Variants in PKP1 observed in about 807,000 individuals in gnomAD.
The protein encoded by PKP1 is plakophilin-1.
PKP1 carries 27 observed loss-of-function variants against 76.4 expected under a neutral mutation model. The ratio of observed to expected loss-of-function variants is 0.35; its 90% confidence interval spans 0.26 to 0.49. The LOEUF is 0.49. Among genes scored for constraint, PKP1 ranks in the 20% least tolerant of loss-of-function variants. The pLI, the probability that PKP1 is intolerant of heterozygous loss-of-function variation, is 0.99. For missense variants in PKP1, 964 were observed against 955.2 expected, an observed-to-expected ratio of 1.01 and a Z score of -0.12; for synonymous variants, 404 against 384.2, an observed-to-expected ratio of 1.05 and a Z score of -0.60.
chr1:201,318,924 A>G (rs763210), intron 6 of PKP1, 129 bp downstream of exon 6: 9 of 816,238 alleles, frequency 1.1e-5, no homozygotes, highest in East Asian at 2.7e-5. Context: ...TCTTATGGGC[A>G]GGCTCCAAGA....
At chr1:201,290,648 G>A (rs927153407) in intron 1 of PKP1, among the ~76,000 whole-genome samples, 5 of 152,170 alleles carry the variant, frequency 3.3e-5, no homozygotes, top group African/African-American at 9.7e-5. Flanking sequence ...AGGCATCAGA[G>A]CACGTTCACC....
rs760037448 is a variant in PKP1 at position 201,313,572 on chromosome 1, T to A, written c.701+12T>A. ...AGGGCCAGCTCCAAGTGAGTGCTGC[T>A]GGGCTGGGTTGGGGAGCCAGGAGGG... On this transcript the variant is annotated intron_variant, in intron 3 of 13. Coordinates refer to ENST00000367324, the MANE Select transcript of PKP1 (RefSeq NM_001005337.3). 2.5e-6 allele frequency: 4 copies of A among 1,607,634 alleles called. No individual in the cohort carries two copies. The South Asian group carries it at 4.4e-5, about 18-fold the overall frequency.
intron 2 of PKP1, among the ~76,000 whole-genome samples, chr1:201,306,759 C>G (rs1656378670): frequency 6.6e-6 from 1 of 152,134 alleles, no homozygotes; most frequent in South Asian, 2.1e-4. Context: ...ACTGCAAGCT[C>G]CACCTTCTGG....
rs1656524501 is a variant in PKP1 at position 201,310,740 on chromosome 1, G to A, written c.307-2426G>A. Reference sequence around the variant, plus strand: ...AGGCAGCACAGCCCACCAGCACCATGACACTAGGAGCTGGGGTGGGGTTCC... The same window carrying A: ...AGGCAGCACAGCCCACCAGCACCATAACACTAGGAGCTGGGGTGGGGTTCC... On this transcript the variant is annotated intron_variant, in intron 2 of 13. Coordinates refer to ENST00000367324, the MANE Select transcript of PKP1 (RefSeq NM_001005337.3). Among the ~76,000 whole-genome samples, 4 of 152,344 alleles carry A rather than the reference G, an allele frequency of 2.6e-5. No homozygotes were observed. In the South Asian group the frequency reaches 6.2e-4, roughly 24 times the overall value.
intron 2 of PKP1, among the ~76,000 whole-genome samples, chr1:201,295,614 A>G (rs1308382446): frequency 6.6e-6 from 1 of 152,230 alleles, no homozygotes; most frequent in Admixed American, 6.5e-5. Context: ...ACGTGTCTTT[A>G]CTTAAATGAC....
intron 10 of PKP1, 39 bp downstream of exon 10, chr1:201,324,620 T>C (rs1657053560): frequency 1.9e-6 from 3 of 1,609,642 alleles, no homozygotes; most frequent in Admixed American, 1.7e-5. Flanking sequence ...AGCTAAGACA[T>C]GGCAGGCTCC....
At chr1:201,329,192 G>T (rs1322761678) in intron 13 of PKP1, among the ~76,000 whole-genome samples, 1 of 152,170 alleles carries the variant, frequency 6.6e-6, no homozygotes, top group Non-Finnish European at 1.5e-5. Flanking sequence ...CTACAATATG[G>T]ATAACTGGAG....
At chr1:201,322,849 G>A (rs376569632) in intron 8 of PKP1, among the ~76,000 whole-genome samples, 164 bp from the exon 9 acceptor site, 1 of 152,162 alleles carries the variant, frequency 6.6e-6, no homozygotes, top group South Asian at 2.1e-4. Flanking sequence ...AGAGGAAAGG[G>A]GTGCAGCGGG....
At chr1:201,298,518 C>A (rs1441219056) in intron 2 of PKP1, among the ~76,000 whole-genome samples, 1 of 152,180 alleles carries the variant, frequency 6.6e-6, no homozygotes, top group Admixed American at 6.5e-5. Context: ...GATTGCCCTA[C>A]ACCACCCTGC....
At chr1:201,296,287 G>A (rs2102157084) in intron 2 of PKP1, among the ~76,000 whole-genome samples, 1 of 152,270 alleles carries the variant, frequency 6.6e-6, no homozygotes, top group Non-Finnish European at 1.5e-5. Flanking sequence ...ACCAAACGAG[G>A]TCCAGACATA....
chr1:201,323,217 C>A (rs752115131), intron 9 of PKP1, 28 bp downstream of exon 9: 4 of 1,604,958 alleles, frequency 2.5e-6, no homozygotes, highest in South Asian at 1.1e-5. Flanking sequence ...TTCTCTACTG[C>A]AGCAGCCCCA....
At chr1:201,284,722 C>A (rs751737898) in intron 1 of PKP1, among the ~76,000 whole-genome samples, 1 of 152,208 alleles carries the variant, frequency 6.6e-6, no homozygotes. Context: ...TCTTACCCCA[C>A]CCAGCTTAGG....
At chr1:201,298,334 G>A (rs700476) in intron 2 of PKP1, among the ~76,000 whole-genome samples, 140,497 of 152,308 alleles carry the variant, frequency 0.92, 64,916 homozygotes, top group East Asian at 1. Context: ...TTTGTCCTCA[G>A]TGAAGCTGAG....
At position 201,332,693 on chromosome 1, in the gene PKP1, G is replaced by A. The variant is rs1657369678; in HGVS notation, c.*2652G>A. The A allele has an allele frequency of 6.6e-6, 1 of 152,260 alleles. No homozygotes were observed. Among genetic ancestry groups the A allele is most frequent in the South Asian group, 2.1e-4 (1 of 4,824 alleles). The allele number at this position is 152,260 out of a possible 1,614,324, so 9.4% of individuals were successfully genotyped here. A position where few individuals can be genotyped will look rare whatever the true frequency, so the allele number is the denominator to read the frequency against. ...CTCTGCAGTGGGGACCACACTAGCA[G>A]CCCTGACTCCACACTCCTCCTGGGG... On this transcript the variant is annotated 3_prime_UTR_variant, in exon 14 of 14. Coordinates refer to ENST00000367324, the MANE Select transcript of PKP1 (RefSeq NM_001005337.3).
rs113017151 is a variant in PKP1, at chr1:201,283,700, A to G, written c.-3A>G. ...GGCCGCGCGCCACCCGCCTCCCGCC[A>G]CCATGAACCACTCGCCGCTCAAGAC... On this transcript the variant is annotated 5_prime_UTR_variant, in exon 1 of 14. Coordinates refer to ENST00000367324, the MANE Select transcript of PKP1 (RefSeq NM_001005337.3). 14 of 1,613,094 alleles carry G rather than the reference A, an allele frequency of 8.7e-6. 2 individuals carry two copies. Among genetic ancestry groups the G allele is most frequent in the South Asian group, 5.5e-5 (5 of 90,970 alleles).
At chr1:201,321,021 G>A (rs151200934) in intron 7 of PKP1, among the ~76,000 whole-genome samples, 21 of 152,352 alleles carry the variant, frequency 1.4e-4, no homozygotes, top group African/African-American at 4.6e-4. Context: ...AGGCTGAGAT[G>A]TTCCCACCAT....
At chr1:201,287,339 G>A (rs1216245164) in intron 1 of PKP1, among the ~76,000 whole-genome samples, 5 of 152,166 alleles carry the variant, frequency 3.3e-5, no homozygotes, top group Non-Finnish European at 5.9e-5. Flanking sequence ...GCACAGTGAA[G>A]GAGCTCGCCT....
intron 2 of PKP1, among the ~76,000 whole-genome samples, chr1:201,303,264 C>T (rs1261281577): frequency 6.6e-6 from 1 of 152,096 alleles, no homozygotes. Flanking sequence ...GCAATCCTCC[C>T]GCCTCAGACT....
chr1:201,306,002 C>T (rs1035250583), intron 2 of PKP1, among the ~76,000 whole-genome samples: 6 of 152,152 alleles, frequency 3.9e-5, no homozygotes, highest in Non-Finnish European at 7.4e-5. Flanking sequence ...TGGCTGAGGG[C>T]CAGTGGTCCT....
Sources: allele counts gnomAD v4.1 joint callset (sites outside exome capture counted in the v4.1 genomes callset), GRCh38; gene constraint gnomAD v4.1.1; transcripts MANE v1.5; gene names NCBI Gene and HGNC (gene_info 2026-07-23, HGNC 2026-07-21).